ROBO2: variants seen among roughly 807,000 people sequenced by gnomAD.
ROBO2 encodes roundabout homolog 2.
ROBO2 carries 53 observed loss-of-function variants against 160.8 expected under a neutral mutation model. The observed-to-expected ratio is 0.33, with a 90% CI of 0.26 to 0.41. The LOEUF (loss-of-function observed/expected upper bound fraction) is 0.41. ROBO2 is among the 10% of genes least tolerant of loss of function. The pLI, the probability that ROBO2 is intolerant of heterozygous loss-of-function variation, is 1.00. For missense variants in ROBO2, 1,577 were observed against 1,722.4 expected, an observed-to-expected ratio of 0.92 and a Z score of 1.49; for synonymous variants, 664 against 611.7, an observed-to-expected ratio of 1.09 and a Z score of -1.26.
intron 2 of ROBO2, among the ~76,000 whole-genome samples, chr3:76,128,620 T>C: frequency 1.9e-5 from 1 of 52,660 alleles, no homozygotes; most frequent in African/African-American, 3.4e-5. Context: ...AGATATGATA[T>C]GAGTGTGTGT....
intron 2 of ROBO2, among the ~76,000 whole-genome samples, chr3:77,332,766 G>C (rs2066106517): frequency 6.6e-6 from 1 of 152,118 alleles, no homozygotes; most frequent in African/African-American, 2.4e-5. Context: ...GATAATGTTT[G>C]TAAATACTTT....
intron 6 of ROBO2, among the ~76,000 whole-genome samples, chr3:77,545,311 T>C (rs2092656843): frequency 6.6e-6 from 1 of 152,092 alleles, no homozygotes; most frequent in Non-Finnish European, 1.5e-5. Flanking sequence ...CCTAAGCTTG[T>C]TCTTGCTTCT....
intron 2 of ROBO2, among the ~76,000 whole-genome samples, chr3:76,553,073 G>A (rs1385398851): frequency 2.0e-5 from 3 of 152,116 alleles, no homozygotes; most frequent in African/African-American, 7.2e-5. Context: ...GAGATAGGAT[G>A]TGAAAGTGAG....
At chr3:77,585,432 T>G (rs1033649137) in intron 16 of ROBO2, among the ~76,000 whole-genome samples, 4 of 152,050 alleles carry the variant, frequency 2.6e-5, no homozygotes, top group Non-Finnish European at 5.9e-5. Flanking sequence ...TATAAAAGTC[T>G]GAGTCTTCAG....
At chr3:77,008,425 T>A (rs542053506) in intron 2 of ROBO2, among the ~76,000 whole-genome samples, 1 of 152,314 alleles carries the variant, frequency 6.6e-6, no homozygotes, top group Non-Finnish European at 1.5e-5. Flanking sequence ...GACTGACTCA[T>A]ATTCCAAAGT....
intron 2 of ROBO2, among the ~76,000 whole-genome samples, chr3:77,309,978 G>A (rs1560502888): frequency 6.7e-6 from 1 of 149,718 alleles, no homozygotes; most frequent in Admixed American, 6.6e-5. Context: ...AAAGTAAGTG[G>A]TAGTTAGACA....
chr3:77,647,840 A>C (rs1333625846), exon 26 of ROBO2: 1 of 152,162 alleles, frequency 6.6e-6, no homozygotes, highest in Non-Finnish European at 1.5e-5. Context: ...TTCGCACTCC[A>C]TGCATTATTG....
intron 2 of ROBO2, among the ~76,000 whole-genome samples, chr3:77,281,997 C>T (rs1000390195): frequency 2.6e-5 from 4 of 152,146 alleles, no homozygotes; most frequent in Non-Finnish European, 4.4e-5. Context: ...TCCCTGGCCC[C>T]GGGGCTGTGG....
chr3:76,021,614 C>A (rs1403141927), intron 2 of ROBO2, among the ~76,000 whole-genome samples: 1 of 151,750 alleles, frequency 6.6e-6, no homozygotes, highest in Non-Finnish European at 1.5e-5. Context: ...TGTTGGTTTT[C>A]CAATGCATAA....
intron 2 of ROBO2, among the ~76,000 whole-genome samples, chr3:76,321,036 T>C (rs1180882062): frequency 1.3e-5 from 2 of 152,206 alleles, no homozygotes; most frequent in Non-Finnish European, 1.5e-5. Context: ...ATTTACTGAA[T>C]GCTCCTAAGA....
chr3:76,771,886 T>G (rs1041609060), intron 2 of ROBO2, among the ~76,000 whole-genome samples: 3 of 151,322 alleles, frequency 2.0e-5, no homozygotes, highest in African/African-American at 7.3e-5. Context: ...ATGCTTGGTA[T>G]AAACTACTGA....
At chr3:77,318,136 C>T (rs1383074714) in intron 2 of ROBO2, among the ~76,000 whole-genome samples, 1 of 152,078 alleles carries the variant, frequency 6.6e-6, no homozygotes, top group African/African-American at 2.4e-5. Context: ...CAACCTCCGC[C>T]TCCCGAGTTC....
intron 1 of ROBO2, among the ~76,000 whole-genome samples, chr3:75,928,561 A>G (rs1266990029): frequency 6.6e-6 from 1 of 152,154 alleles, no homozygotes. Context: ...GTCCTGGGTT[A>G]CTTCTTGATT....
intron 2 of ROBO2, among the ~76,000 whole-genome samples, chr3:76,243,091 G>T (rs1320582212): frequency 6.6e-6 from 1 of 152,278 alleles, no homozygotes; most frequent in South Asian, 2.1e-4. Flanking sequence ...ATTCCAGGGG[G>T]TTTCTCATTC....
At chr3:77,414,639 A>T (rs1222317454) in intron 2 of ROBO2, among the ~76,000 whole-genome samples, 6 of 152,214 alleles carry the variant, frequency 3.9e-5, no homozygotes. Flanking sequence ...AGGCACATAG[A>T]CAGATTATCA....
chr3:77,436,605 C>T (rs1407231855), intron 2 of ROBO2, among the ~76,000 whole-genome samples: 1 of 151,526 alleles, frequency 6.6e-6, no homozygotes, highest in African/African-American at 2.4e-5. Context: ...TTTGAAGATT[C>T]GAATATGGTC....
chr3:76,897,530 G>A (rs867610777), intron 2 of ROBO2, among the ~76,000 whole-genome samples: 78 of 152,052 alleles, frequency 5.1e-4, no homozygotes, highest in Non-Finnish European at 2.2e-4. Flanking sequence ...TGCAGACACC[G>A]TAAACCAACC....
chr3:75,921,429 G>T (rs1947046142), intron 1 of ROBO2, among the ~76,000 whole-genome samples: 1 of 151,700 alleles, frequency 6.6e-6, no homozygotes, highest in East Asian at 1.9e-4. Context: ...GCTAACTAAA[G>T]AAAATAGAAA....
At chr3:77,085,109 A>C (rs1027555017) in intron 1 of ROBO2, among the ~76,000 whole-genome samples, 1 of 151,966 alleles carries the variant, frequency 6.6e-6, no homozygotes, top group Non-Finnish European at 1.5e-5. Context: ...TCATTAAAGT[A>C]ACTTATATTC....
Sources: allele counts gnomAD v4.1 joint callset (sites outside exome capture counted in the v4.1 genomes callset), GRCh38; gene constraint gnomAD v4.1.1; transcripts MANE v1.5; gene names NCBI Gene and HGNC (gene_info 2026-07-23, HGNC 2026-07-21).